The following AUTS2 variants were observed in gnomAD, a reference collection of about 807,000 sequenced individuals.
AUTS2 encodes the protein activator of transcription and developmental regulator AUTS2.
Under a neutral mutation model 112.4 loss-of-function variants are expected in AUTS2, and 17 were observed. The ratio of observed to expected loss-of-function variants is 0.15; its 90% CI spans 0.10 to 0.23. AUTS2 has a LOEUF of 0.23. Ranked by LOEUF, AUTS2 falls within the 10% of genes least tolerant of loss-of-function variation. The probability of loss-of-function intolerance (pLI) is 1.00; values close to 1 mark genes in which losing one functional copy is unlikely to be tolerated. For missense variants in AUTS2, 1,510 were observed against 1,701.6 expected, an observed-to-expected ratio of 0.89 and a Z score of 1.98; for synonymous variants, 751 against 702.7, an observed-to-expected ratio of 1.07 and a Z score of -1.09.
chr7:69,970,172 GCTAT>G (rs1373215581), intron 2 of AUTS2, among the ~76,000 whole-genome samples: 1 of 152,058 alleles, frequency 6.6e-6, no homozygotes, highest in African/African-American at 2.4e-5. Flanking sequence ...TTGGTGCCTA[GCTAT>G]CTTTCTTTCT....
At chr7:70,472,675 A>G (rs1797437333) in intron 5 of AUTS2, among the ~76,000 whole-genome samples, 1 of 152,142 alleles carries the variant, frequency 6.6e-6, no homozygotes, top group African/African-American at 2.4e-5. Flanking sequence ...CAATATTTCA[A>G]CACACTCGTC....
At chr7:70,061,781 C>A (rs1284823296) in intron 2 of AUTS2, among the ~76,000 whole-genome samples, 1 of 140,370 alleles carries the variant, frequency 7.1e-6, no homozygotes, top group East Asian at 2.1e-4. Context: ...GTTATTTCTT[C>A]TTTTTTTTTT....
In AUTS2 at chr7:70,333,285, A is replaced by G. The variant is rs549699718; in HGVS notation, c.661-102467A>G. On this transcript the variant is annotated intron_variant, in intron 4 of 18. Coordinates refer to ENST00000342771, the MANE Select transcript of AUTS2 (RefSeq NM_015570.4). The stretch of plus-strand genomic sequence containing the variant: ...CGATTTCATGCCATTTAGAATGGCA[A>G]TCATTAAAAAGTCAGGAAACAACAG... Among the ~76,000 whole-genome samples, 13 of 152,354 alleles carry G rather than the reference A, an allele frequency of 8.5e-5. No homozygotes were observed. The South Asian group carries it at 1.9e-3, about 22-fold the overall frequency.
chr7:69,825,109 C>T (rs1791182309), intron 1 of AUTS2, among the ~76,000 whole-genome samples: 1 of 152,130 alleles, frequency 6.6e-6, no homozygotes, highest in South Asian at 2.1e-4. Flanking sequence ...TTAGCGTTTA[C>T]ATAGTTATCT....
intron 2 of AUTS2, among the ~76,000 whole-genome samples, chr7:70,008,797 G>A (rs755963078): frequency 1.3e-5 from 2 of 152,042 alleles, no homozygotes; most frequent in Non-Finnish European, 2.9e-5. Context: ...ACAATCCTTT[G>A]AATTTGTGAA....
At chr7:70,450,855 A>AG (rs952824682) in intron 5 of AUTS2, among the ~76,000 whole-genome samples, 5 of 152,110 alleles carry the variant, frequency 3.3e-5, no homozygotes, top group African/African-American at 1.2e-4. Flanking sequence ...ACCACTGGGA[A>AG]GGGGGGTCAA....
chr7:70,414,583 A>G (rs369319636), intron 4 of AUTS2, among the ~76,000 whole-genome samples: 2 of 152,288 alleles, frequency 1.3e-5, no homozygotes, highest in South Asian at 2.1e-4. Flanking sequence ...AGAGACGTTT[A>G]GCAGTGGGGA....
chr7:69,691,339 G>A (rs1049438500), intron 1 of AUTS2, among the ~76,000 whole-genome samples: 5 of 152,060 alleles, frequency 3.3e-5, no homozygotes, highest in African/African-American at 9.7e-5. Context: ...GCCTCCCACC[G>A]TCAACAAGCT....
chr7:69,658,615 G>T (rs1795650814), intron 1 of AUTS2, among the ~76,000 whole-genome samples: 1 of 152,138 alleles, frequency 6.6e-6, no homozygotes, highest in Non-Finnish European at 1.5e-5. Context: ...ACACAGTAAA[G>T]AAATGGCATG....
intron 5 of AUTS2, among the ~76,000 whole-genome samples, chr7:70,675,193 A>G (rs1199256198): frequency 2.0e-5 from 3 of 152,144 alleles, no homozygotes; most frequent in South Asian, 2.1e-4. Flanking sequence ...GAAAATCCGT[A>G]TTTCAGAAAT....
chr7:70,128,417 A>G (rs535587055), intron 3 of AUTS2, among the ~76,000 whole-genome samples: 3 of 152,296 alleles, frequency 2.0e-5, no homozygotes, highest in South Asian at 4.1e-4. Flanking sequence ...AACAATATGA[A>G]GGGCGGGAGT....
intron 4 of AUTS2, among the ~76,000 whole-genome samples, chr7:70,375,308 T>C (rs1172662264): frequency 6.6e-6 from 1 of 152,206 alleles, no homozygotes; most frequent in African/African-American, 2.4e-5. Context: ...TGGAGGTCAT[T>C]GAACTTTGGA....
chr7:70,543,582 C>G (rs1463072327), intron 5 of AUTS2, among the ~76,000 whole-genome samples: 3 of 151,662 alleles, frequency 2.0e-5, no homozygotes, highest in African/African-American at 4.8e-5. Context: ...GAGAGGGACT[C>G]AGACACACAC....
At chr7:70,523,956 T>G (rs1251706483) in intron 5 of AUTS2, among the ~76,000 whole-genome samples, 2 of 152,228 alleles carry the variant, frequency 1.3e-5, no homozygotes, top group Admixed American at 6.5e-5. Flanking sequence ...GCAACATGAT[T>G]TCTTCATAAA....
chr7:70,149,791 A>G (rs1404834599), intron 4 of AUTS2, among the ~76,000 whole-genome samples: 3 of 152,110 alleles, frequency 2.0e-5, no homozygotes, highest in African/African-American at 7.2e-5. Context: ...GAGGTTTCAA[A>G]TTACTTAAAA....
intron 1 of AUTS2, among the ~76,000 whole-genome samples, chr7:69,679,960 A>G (rs927691765): frequency 1.3e-5 from 2 of 152,240 alleles, no homozygotes; most frequent in African/African-American, 2.4e-5. Context: ...AAAAAAACTT[A>G]TAAGAATTAC....
At chr7:70,192,861 G>A (rs997093338) in intron 4 of AUTS2, among the ~76,000 whole-genome samples, 5 of 152,184 alleles carry the variant, frequency 3.3e-5, no homozygotes, top group African/African-American at 1.2e-4. Flanking sequence ...CATGGACGGG[G>A]GGAGTCAAAA....
At chr7:70,535,831 G>A (rs986224724) in intron 5 of AUTS2, among the ~76,000 whole-genome samples, 5 of 152,240 alleles carry the variant, frequency 3.3e-5, no homozygotes, top group Admixed American at 1.3e-4. Flanking sequence ...CATGCAGAGC[G>A]TTACTGCCTT....
At chr7:70,147,545 G>A (rs1562738473) in intron 4 of AUTS2, among the ~76,000 whole-genome samples, 1 of 152,086 alleles carries the variant, frequency 6.6e-6, no homozygotes, top group Non-Finnish European at 1.5e-5. Flanking sequence ...AATTATGCTG[G>A]AGAGTGTGCT....
Sources: gnomAD v4.1 joint callset for allele counts (sites outside exome capture counted in the v4.1 genomes callset) on GRCh38, gnomAD v4.1.1 for gene constraint, MANE v1.5 for transcripts, NCBI Gene and HGNC (gene_info 2026-07-23, HGNC 2026-07-21) for gene names.